SLC39A5: variants seen among roughly 807,000 people sequenced by gnomAD.
The protein encoded by SLC39A5 is zinc transporter ZIP5.
In SLC39A5, 42 loss-of-function variants were observed where a neutral mutation model predicts 46.9. The ratio of observed to expected loss-of-function variants is 0.90; its 90% CI spans 0.70 to 1.16. The LOEUF (loss-of-function observed/expected upper bound fraction) is 1.16, where lower values mean the gene tolerates loss of function less well. Ranked by LOEUF, SLC39A5 falls within the 50% of genes most tolerant of loss-of-function variation. The pLI is 0.00. For missense variants in SLC39A5, 677 were observed against 686.8 expected, an observed-to-expected ratio of 0.99 and a Z score of 0.16; for synonymous variants, 311 against 323.1, an observed-to-expected ratio of 0.96 and a Z score of 0.40.
intron 5 of SLC39A5, among the ~76,000 whole-genome samples, chr12:56,233,264 CAAAAAAAAAAAAAAAAAAAAAA>C (rs71081337): frequency 3.2e-4 from 10 of 31,012 alleles, no homozygotes; most frequent in African/African-American, 5.5e-4. Flanking sequence ...GACTCTGTCT[CAAAAAAAAAAAAAAAAAAAAAA>C]AAAAAAAAAA....
chr12:56,237,462 C>A, intron 12 of SLC39A5, 122 bp downstream of exon 12: 1 of 1,545,606 alleles, frequency 6.5e-7, no homozygotes, highest in Non-Finnish European at 8.8e-7. Flanking sequence ...CATAGGCCCG[C>A]AAAAGTCTGA....
chr12:56,233,704 A>G (rs1870459014), intron 5 of SLC39A5, among the ~76,000 whole-genome samples: 1 of 152,178 alleles, frequency 6.6e-6, no homozygotes, highest in Admixed American at 6.5e-5. Context: ...CCAGAAAGAC[A>G]GAGAATATAT....
rs751626086 is a variant in SLC39A5 at position 56,231,335 on chromosome 12, T to C, written c.61T>C (p.Trp21Arg). ...CTTCTGTGTGTGGGTCGTCTTGGGCTGGGTAGGGGGCTCAGTCCCCAACCT... is the reference window on the plus strand; with the variant it reads ...CTTCTGTGTGTGGGTCGTCTTGGGCCGGGTAGGGGGCTCAGTCCCCAACCT... ...AGFCVWVVLG[W>R]VGGSVPNLGP... is the part of the protein sequence containing the mutation. The change falls in exon 4 of 13, where the codon TGG (tryptophan) becomes CGG (arginine). Residue 21 changes from tryptophan to arginine, a missense_variant. Trp to Arg is a moderately radical substitution (Grantham distance 101). Transcript: ENST00000454355. 9 of 1,613,540 alleles carry C rather than the reference T, an allele frequency of 5.6e-6. No individual in the cohort carries two copies. The highest frequency in any genetic ancestry group is 7.6e-6 in the Non-Finnish European group (9 of 1,179,880).
At chr12:56,235,385 A>G (rs1218591234) in intron 7 of SLC39A5, 59 bp downstream of exon 7, 19 of 1,505,654 alleles carry the variant, frequency 1.3e-5, no homozygotes, top group Non-Finnish European at 1.7e-5. Flanking sequence ...GTCCCCAGCC[A>G]TAGGACATCC....
At chr12:56,230,674 T>TA (rs1870118843) in intron 2 of SLC39A5, 157 bp from the exon 3 acceptor site, 2 of 152,226 alleles carry the variant, frequency 1.3e-5, no homozygotes, top group East Asian at 3.9e-4. Flanking sequence ...ACTCCTCTCT[T>TA]ATGTGAGCCT....
At chr12:56,234,769 A>G (rs1164617859) in intron 5 of SLC39A5, 55 bp from the exon 6 acceptor site, 1 of 1,597,278 alleles carries the variant, frequency 6.3e-7, no homozygotes, top group Non-Finnish European at 8.6e-7. Flanking sequence ...CAGGTGTTAA[A>G]GATCTGAGTC....
In SLC39A5 at chr12:56,235,598, A is replaced by G. The variant is rs1483517780; in HGVS notation, c.843A>G (p.Pro281=). Residue 281 remains proline (P), a synonymous_variant, in exon 8 of 13, where the codon CCA becomes CCG. Coordinates refer to ENST00000454355, the MANE Select transcript of SLC39A5 (RefSeq NM_173596.3). ...GGCACGCAGGACCTGGCGGACTACC[A>G]GAGAAGGACCTGGGCCCGGGGCTGT... The part of the protein sequence containing the change: ...EGRHAGPGGL[P]EKDLGPGLSV... 7.4e-6 allele frequency: 12 copies of G among 1,614,148 alleles called. No individual in the cohort carries two copies. Among genetic ancestry groups the G allele is most frequent in the Non-Finnish European group, 1.0e-5 (12 of 1,180,022 alleles).
intron 5 of SLC39A5, among the ~76,000 whole-genome samples, chr12:56,234,305 C>A (rs1473026820): frequency 1.3e-5 from 2 of 149,516 alleles, no homozygotes; most frequent in Admixed American, 1.3e-4. Context: ...TCACTACTAT[C>A]CCCAGCTAAT....
At chr12:56,234,615 C>T (rs902675365) in intron 5 of SLC39A5, among the ~76,000 whole-genome samples, 6 of 151,964 alleles carry the variant, frequency 3.9e-5, no homozygotes, top group Admixed American at 3.9e-4. Flanking sequence ...GCACCCGGCT[C>T]ATCCCCAGCT....
intron 4 of SLC39A5, among the ~76,000 whole-genome samples, chr12:56,231,867 A>G (rs1045710773): frequency 6.6e-6 from 1 of 152,020 alleles, no homozygotes; most frequent in African/African-American, 2.4e-5. Flanking sequence ...CTGGGACCAT[A>G]GGCACACACC....
Position 56,232,728 on chromosome 12 carries a change from G to A in SLC39A5, c.327G>A (p.Gly109=). The part of the protein sequence containing the change: ...NPELSVDVWA[G]MPLGPSGWGD... Reference sequence around the variant, plus strand: ...AGCTGAGTGTGGATGTCTGGGCAGGGATGCCTCTGGGTCCCTCAGGGTGGG... The same window carrying A: ...AGCTGAGTGTGGATGTCTGGGCAGGAATGCCTCTGGGTCCCTCAGGGTGGG... Residue 109 remains glycine, a synonymous_variant, in exon 5 of 13, where the codon GGG becomes GGA. Coordinates refer to ENST00000454355, the MANE Select transcript of SLC39A5 (RefSeq NM_173596.3). 1 of 1,611,470 alleles carries A rather than the reference G, an allele frequency of 6.2e-7. No individual in the cohort carries two copies. The highest frequency in any genetic ancestry group is 8.5e-7 in the Non-Finnish European group (1 of 1,179,042).
At chr12:56,236,371 C>G (rs778183417) in intron 8 of SLC39A5, 25 bp from the exon 9 acceptor site, 8 of 1,598,344 alleles carry the variant, frequency 5.0e-6, no homozygotes, top group Non-Finnish European at 6.9e-6. Context: ...CCTCCTCCAC[C>G]AGGAGGGATG....
In SLC39A5 at chr12:56,231,505, G is replaced by C. The variant is rs754733578; in HGVS notation, c.231G>C (p.Gln77His). ...LGRVQGLRLG[Q>H]HGPLTGRAAS... ...GAGTTCAGGGGCTTCGCCTGGGACA[G>C]CATGGGCCTCTGACTGGACGGGCTG... is the stretch of plus-strand genomic sequence containing the variant. The change falls in exon 4 of 13, where the codon CAG becomes CAC. Residue 77 changes from glutamine (Q) to histidine (H), a missense_variant. Physicochemically the swap from Gln to His is conservative, Grantham distance 24. Transcript: ENST00000454355. 6 of 1,603,444 alleles carry C rather than the reference G, an allele frequency of 3.7e-6. No homozygotes were observed. The highest frequency in any genetic ancestry group is 5.1e-6 in the Non-Finnish European group (6 of 1,174,018).
intron 5 of SLC39A5, among the ~76,000 whole-genome samples, 153 bp from the exon 6 acceptor site, chr12:56,234,671 G>A (rs776728562): frequency 1.3e-5 from 2 of 152,148 alleles, no homozygotes; most frequent in African/African-American, 2.4e-5. Context: ...ATGTTGGCCA[G>A]GTTGGTCTCA....
chr12:56,236,184 C>T (rs1326815946), intron 8 of SLC39A5, among the ~76,000 whole-genome samples: 1 of 152,154 alleles, frequency 6.6e-6, no homozygotes, highest in Non-Finnish European at 1.5e-5. Context: ...AAGCACAGAC[C>T]CAGGACTTCT....
chr12:56,233,564 A>G (rs2135853313), intron 5 of SLC39A5, among the ~76,000 whole-genome samples: 1 of 152,364 alleles, frequency 6.6e-6, no homozygotes, highest in South Asian at 2.1e-4. Flanking sequence ...AGGTGAGCCC[A>G]TATCCAGAGC....
chr12:56,235,850 C>CT lies in SLC39A5; in HGVS notation c.945+151dup, dbSNP rs1241197959. ...ACAAGGTTAGGAGTTCGAGTCCAGC[C>CT]TGACCAACATGGTGAAACCCTGTCT... On this transcript the variant is annotated intron_variant, in intron 8 of 12. Transcript: ENST00000454355. 4 of 986,060 alleles carry CT rather than the reference C, an allele frequency of 4.1e-6. No homozygotes were observed. In the Admixed American group the frequency reaches 9.1e-5, roughly 22 times the overall value. The allele number at this position is 986,060 out of a possible 1,614,324, so 61.1% of individuals were successfully genotyped here.
intron 12 of SLC39A5, 89 bp from the exon 13 acceptor site, chr12:56,237,498 TG>T: frequency 6.3e-7 from 1 of 1,588,306 alleles, no homozygotes. Flanking sequence ...GGTGTTTGGG[TG>T]GGGGCTGCTG....
intron 5 of SLC39A5, among the ~76,000 whole-genome samples, 173 bp downstream of exon 5, chr12:56,233,045 T>C (rs1425812221): frequency 6.6e-6 from 1 of 152,056 alleles, no homozygotes. Flanking sequence ...GTGGATCACC[T>C]GAGGTCAGGA....
Sources: gnomAD v4.1 joint callset for allele counts (sites outside exome capture counted in the v4.1 genomes callset) on GRCh38, gnomAD v4.1.1 for gene constraint, MANE v1.5 for transcripts, NCBI Gene and HGNC (gene_info 2026-07-23, HGNC 2026-07-21) for gene names.